The following PSMC6 variants were observed in gnomAD, a reference collection of about 807,000 sequenced individuals.
The protein encoded by PSMC6 is 26S proteasome regulatory subunit 10B.
In PSMC6, 3 loss-of-function variants were observed where a neutral mutation model predicts 55.9. That is an observed-to-expected ratio of 0.05 (90% CI 0.02 to 0.14). The LOEUF is 0.14. PSMC6 is among the 10% of genes least tolerant of loss of function. The probability of loss-of-function intolerance (pLI) is 1.00; values close to 1 mark genes in which losing one functional copy is unlikely to be tolerated. For missense variants in PSMC6, 210 were observed against 478.7 expected (o/e 0.44, Z 5.24); for synonymous variants, 137 against 155.9 (o/e 0.88, Z 0.90).
At chr14:52,718,057 T>G in intron 7 of PSMC6, 24 bp from the exon 8 acceptor site, 2 of 1,609,910 alleles carry the variant, frequency 1.2e-6, no homozygotes. Context: ...ACCATCTAAT[T>G]AAGACTTCTT....
chr14:52,724,165 C>A, intron 13 of PSMC6, 129 bp downstream of exon 13: 1 of 771,188 alleles, frequency 1.3e-6, no homozygotes, highest in Non-Finnish European at 2.1e-6. Context: ...TTTTAGGAAT[C>A]GATTCCAGGA....
chr14:52,722,997 A>G (rs771584085), intron 12 of PSMC6: 4 of 152,236 alleles, frequency 2.6e-5, no homozygotes, highest in Non-Finnish European at 5.9e-5. Context: ...AATAATGACA[A>G]ATAGCTGATT....
intron 5 of PSMC6, 51 bp from the exon 6 acceptor site, chr14:52,711,359 C>A (rs1298043981): frequency 6.8e-7 from 1 of 1,464,296 alleles, no homozygotes; most frequent in Admixed American, 1.8e-5. Flanking sequence ...TATCTGTAGG[C>A]TAAGAGAAAA....
At chr14:52,718,734 C>T (rs1391490932) in intron 9 of PSMC6, 16 of 451,732 alleles carry the variant, frequency 3.5e-5, no homozygotes, top group East Asian at 3.5e-4. Context: ...TGCAGTGAGC[C>T]GAGATCACAC....
intron 1 of PSMC6, 106 bp downstream of exon 1, chr14:52,707,410 C>A: frequency 1.4e-6 from 2 of 1,470,480 alleles, no homozygotes; most frequent in Non-Finnish European, 9.3e-7. Context: ...TAGAGATGAC[C>A]AGGCCTAGGG....
intron 9 of PSMC6, 69 bp from the exon 10 acceptor site, chr14:52,718,908 C>G (rs1033240027): frequency 8.2e-7 from 1 of 1,212,594 alleles, no homozygotes; most frequent in Admixed American, 1.8e-5. Context: ...CTGTTATGTT[C>G]TGTTTTCTTA....
chr14:52,707,426 G>T (rs993872943), intron 1 of PSMC6, 122 bp downstream of exon 1: 2 of 1,342,136 alleles, frequency 1.5e-6, no homozygotes, highest in African/African-American at 2.9e-5. Context: ...TAGGGCCAGG[G>T]ACAAGGCGCT....
At chr14:52,720,731 A>T in intron 10 of PSMC6, 130 bp from the exon 11 acceptor site, 1 of 706,944 alleles carries the variant, frequency 1.4e-6, no homozygotes, top group Non-Finnish European at 2.2e-6. Context: ...ATTCTATCAA[A>T]TGACCATTCT....
chr14:52,719,354 G>T (rs2139850064), intron 10 of PSMC6, among the ~76,000 whole-genome samples: 1 of 152,146 alleles, frequency 6.6e-6, no homozygotes. Context: ...TTTTGTAATG[G>T]TCATATTAAG....
Position 52,707,417 on chromosome 14 carries a change from A to G in PSMC6, c.85+113A>G, listed in dbSNP as rs940862208. 19 of 1,416,650 alleles carry G rather than the reference A, an allele frequency of 1.3e-5. No homozygotes were observed. In the Admixed American group the frequency reaches 3.7e-4, roughly 28 times the overall value. 87.8% of individuals were successfully genotyped at this position (1,416,650 alleles called of 1,614,324 possible). On this transcript the variant is annotated intron_variant, in intron 1 of 13. Coordinates refer to ENST00000445930, the MANE Select transcript of PSMC6 (RefSeq NM_002806.5). ...CCGAGCCTTAGAGATGACCAGGCCT[A>G]GGGCCAGGGACAAGGCGCTTTGTCA... is the stretch of plus-strand genomic sequence containing the variant.
At chr14:52,720,471 TATC>T (rs909014156) in intron 10 of PSMC6, among the ~76,000 whole-genome samples, 18 of 149,954 alleles carry the variant, frequency 1.2e-4, no homozygotes, top group East Asian at 4.0e-4. Context: ...ATGTCTGACA[TATC>T]ATAAGCACTT....
At chr14:52,726,834 G>A (rs1594856234) in intron 13 of PSMC6, among the ~76,000 whole-genome samples, 1 of 151,994 alleles carries the variant, frequency 6.6e-6, no homozygotes. Context: ...TAGAAACGGG[G>A]TTTTACCATG....
rs575332899 is a variant in PSMC6 at position 52,707,852 on chromosome 14, T to G, written c.86-457T>G. ...ACTTTTTTTTCCAGTGCATTTTCAT[T>G]GAAAAGCATGAGTAGTTTAATTAAA... On this transcript the variant is annotated intron_variant, in intron 1 of 13. Coordinates refer to ENST00000445930, the MANE Select transcript of PSMC6 (RefSeq NM_002806.5). Among the ~76,000 whole-genome samples, 370 of 152,326 alleles carry G rather than the reference T, an allele frequency of 2.4e-3. 2 individuals carry two copies. Among genetic ancestry groups the G allele is most frequent in the Non-Finnish European group, 2.7e-3 (185 of 68,026 alleles).
chr14:52,719,186 A>G (rs2041862814), intron 10 of PSMC6, 148 bp downstream of exon 10: 19 of 807,580 alleles, frequency 2.4e-5, no homozygotes, highest in Non-Finnish European at 3.6e-5. Context: ...ATGTTTCTCT[A>G]TCACAAACTC....
At chr14:52,709,047 A>T (rs2041735874) in intron 4 of PSMC6, 1 of 383,506 alleles carries the variant, frequency 2.6e-6, no homozygotes, top group Admixed American at 4.5e-5. Context: ...ATCTGTTAAT[A>T]GCCACTTAGA....
rs563191018 is a variant in PSMC6 at position 52,708,022 on chromosome 14, C to A, written c.86-287C>A. Among the ~76,000 whole-genome samples the A allele has an allele frequency of 3.9e-5, 6 of 152,194 alleles. No individual in the cohort carries two copies. The South Asian group carries it at 1.2e-3, about 32-fold the overall frequency. Reference sequence around the variant, plus strand: ...ATCATTCGGATTTGTAGTCGCAAATCCTAAGTGTCAGGGTGTCAATATCTT... The same window carrying A: ...ATCATTCGGATTTGTAGTCGCAAATACTAAGTGTCAGGGTGTCAATATCTT... On this transcript the variant is annotated intron_variant, in intron 1 of 13. Transcript: ENST00000445930.
At position 52,708,478 on chromosome 14, in the gene PSMC6, C is replaced by G. The variant is rs1566655680; in HGVS notation, c.166-5C>G. 1.9e-6 allele frequency: 3 copies of G among 1,613,766 alleles called. No homozygotes were observed. Among genetic ancestry groups the G allele is most frequent in the Admixed American group, 3.3e-5 (2 of 59,998 alleles). On this transcript the variant is annotated splice_polypyrimidine_tract_variant and splice_region_variant and intron_variant, in intron 2 of 13. Coordinates refer to ENST00000445930, the MANE Select transcript of PSMC6 (RefSeq NM_002806.5). ...AAAAGTAATGCTTTTTATTTTCTTC[C>G]TTAGATCGTGGGTGAAGTGCTTAAA...
At chr14:52,721,517 G>C (rs1053415694) in intron 12 of PSMC6, 1 of 178,832 alleles carries the variant, frequency 5.6e-6, no homozygotes, top group Non-Finnish European at 1.2e-5. Context: ...CAAGAAAGTG[G>C]GGGGCGGGCA....
In PSMC6 at chr14:52,727,523, A is replaced by G; in HGVS notation, c.1076A>G (p.His359Arg). ...EAGMFAIRAD[H>R]DFVVQEDFMK... ...GGTATGTTCGCAATTCGTGCTGATC[A>G]TGATTTTGTAGTACAGGAAGACTTC... Residue 359 changes from histidine to arginine, a missense_variant, in exon 14 of 14, where the codon CAT becomes CGT. This residue lies in a region of PSMC6 where 79 missense variants were observed against 158.7 expected (regional missense o/e 0.50). Coordinates refer to ENST00000445930, the MANE Select transcript of PSMC6 (RefSeq NM_002806.5). 1 of 1,611,948 alleles carries G rather than the reference A, an allele frequency of 6.2e-7. No homozygotes were observed. The highest frequency in any genetic ancestry group is 8.5e-7 in the Non-Finnish European group (1 of 1,179,594).
Sources: gnomAD v4.1 joint callset for allele counts (sites outside exome capture counted in the v4.1 genomes callset) on GRCh38, gnomAD v4.1.1 for gene constraint, gnomAD v4.1.1 regional missense constraint, MANE v1.5 for transcripts, NCBI Gene and HGNC (gene_info 2026-07-23, HGNC 2026-07-21) for gene names.